ZNF521: variants seen among roughly 807,000 people sequenced by gnomAD.
The protein encoded by ZNF521 is LYST-interacting protein 3.
A neutral mutation model predicts 105.5 loss-of-function variants in ZNF521; 14 were observed. That is an observed-to-expected ratio of 0.13 (90% confidence interval 0.09 to 0.21). The LOEUF (loss-of-function observed/expected upper bound fraction) is 0.21, where lower values mean the gene tolerates loss of function less well. Among genes scored for constraint, ZNF521 ranks in the 10% least tolerant of loss-of-function variants. ZNF521 has a pLI of 1.00. For missense variants in ZNF521, 1,233 were observed against 1,629.7 expected (o/e 0.76, Z 4.19); for synonymous variants, 635 against 606.0 (o/e 1.05, Z -0.70).
intron 3 of ZNF521, among the ~76,000 whole-genome samples, chr18:25,281,886 C>T (rs1330653291): frequency 1.3e-5 from 2 of 151,898 alleles, no homozygotes; most frequent in Non-Finnish European, 2.9e-5. Flanking sequence ...GAATCACAGG[C>T]GGTACTTCAT....
Position 25,224,921 on chromosome 18 carries a change from A to G in ZNF521, c.2997T>C (p.Ser999=), listed in dbSNP as rs761744215. 2 of 1,613,568 alleles carry G rather than the reference A, an allele frequency of 1.2e-6. No homozygotes were observed. The highest frequency in any genetic ancestry group is 1.7e-5 in the Admixed American group (1 of 59,954). ...GGCAATGCTCTAAAAACTCCTCTTC[A>G]CTCTGGAGAGGCATCTTGCAAATCC... The part of the protein sequence containing the change: ...NCRICKMPLQ[S]EEEFLEHCQM... Residue 999 remains serine (S), a synonymous_variant, in exon 4 of 8, where the codon AGT becomes AGC. Coordinates refer to ENST00000361524, the MANE Select transcript of ZNF521 (RefSeq NM_015461.3).
chr18:25,219,170 T>G (rs1325290467), intron 4 of ZNF521, among the ~76,000 whole-genome samples: 2 of 152,232 alleles, frequency 1.3e-5, no homozygotes, highest in African/African-American at 4.8e-5. Context: ...ACTGTTTATG[T>G]TATCGATAAG....
At chr18:25,326,856 G>A (rs1291160761) in intron 2 of ZNF521, among the ~76,000 whole-genome samples, 1 of 152,142 alleles carries the variant, frequency 6.6e-6, no homozygotes, top group African/African-American at 2.4e-5. Context: ...ATATACTCAC[G>A]CAAACTTAAA....
Position 25,226,420 on chromosome 18 carries a change from G to C in ZNF521, c.1498C>G (p.His500Asp), listed in dbSNP as rs1338089033. The change falls in exon 4 of 8, where the codon CAT (histidine) becomes GAT (aspartate). Residue 500 changes from histidine (H) to aspartate (D), a missense_variant. Coordinates refer to ENST00000361524, the MANE Select transcript of ZNF521 (RefSeq NM_015461.3). The surrounding 1 kb of genome is among the most constrained non-coding windows in gnomAD (Gnocchi z 4.1). ...TTAGCTGCAGGGTTTGCAAATCCAT[G>C]AGAACATCGGATGTGTTCCTGAAGA... ...NTLQEHIRCS[H>D]GFANPAAKDS... The C allele has an allele frequency of 6.2e-7, 1 of 1,614,042 alleles. No homozygotes were observed. The highest frequency in any genetic ancestry group is 8.5e-7 in the Non-Finnish European group (1 of 1,180,038).
At chr18:25,301,502 TAC>T (rs1444882734) in intron 3 of ZNF521, among the ~76,000 whole-genome samples, 3 of 152,220 alleles carry the variant, frequency 2.0e-5, no homozygotes, top group African/African-American at 7.2e-5. Flanking sequence ...CAACACTCCC[TAC>T]ACAGAGTTGA....
At chr18:25,288,595 GAA>G (rs71375174) in intron 3 of ZNF521, among the ~76,000 whole-genome samples, 175 of 106,376 alleles carry the variant, frequency 1.6e-3, no homozygotes, top group African/African-American at 5.1e-3. Flanking sequence ...ACCCAGCTTT[GAA>G]AAAAAAAAAA....
chr18:25,276,317 T>C (rs962868860), intron 3 of ZNF521, among the ~76,000 whole-genome samples: 3 of 151,832 alleles, frequency 2.0e-5, no homozygotes, highest in Admixed American at 1.3e-4. Flanking sequence ...CATTTTATAA[T>C]GTATAAATAT....
chr18:25,345,938 G>C (rs946582603), intron 2 of ZNF521, among the ~76,000 whole-genome samples: 1 of 152,074 alleles, frequency 6.6e-6, no homozygotes, highest in Admixed American at 6.6e-5. Flanking sequence ...ATACATTTCT[G>C]TATGCCAATT....
intron 7 of ZNF521, among the ~76,000 whole-genome samples, chr18:25,075,179 G>T (rs1304704766): frequency 6.6e-6 from 1 of 152,116 alleles, no homozygotes; most frequent in Non-Finnish European, 1.5e-5. Context: ...GTCCTCAAAG[G>T]AACCTGCCAT....
intron 5 of ZNF521, among the ~76,000 whole-genome samples, chr18:25,178,492 T>C (rs1471754461): frequency 6.6e-6 from 1 of 152,224 alleles, no homozygotes; most frequent in East Asian, 1.9e-4. Context: ...CACATTAGTA[T>C]TATGGAAAGC....
At chr18:25,268,759 T>C (rs1408755557) in intron 3 of ZNF521, among the ~76,000 whole-genome samples, 1 of 152,114 alleles carries the variant, frequency 6.6e-6, no homozygotes, top group East Asian at 1.9e-4. Flanking sequence ...AGGCCTGCCT[T>C]ACAAGAACTC....
chr18:25,145,002 A>G (rs942699473), intron 5 of ZNF521, among the ~76,000 whole-genome samples: 1 of 152,190 alleles, frequency 6.6e-6, no homozygotes, highest in Non-Finnish European at 1.5e-5. Context: ...GTTCACCAGC[A>G]TGCAAGAGCT....
intron 3 of ZNF521, among the ~76,000 whole-genome samples, chr18:25,248,907 A>G (rs1300493545): frequency 6.6e-6 from 1 of 152,214 alleles, no homozygotes; most frequent in Admixed American, 6.5e-5. Context: ...TTTTGTAAAT[A>G]AAGTTTTACT....
chr18:25,262,146 T>C (rs1278922621), intron 3 of ZNF521, among the ~76,000 whole-genome samples: 2 of 152,194 alleles, frequency 1.3e-5, no homozygotes, highest in Non-Finnish European at 2.9e-5. Flanking sequence ...TTATGTCATC[T>C]TTCTTTACAC....
At position 25,227,987 on chromosome 18, in the gene ZNF521, T is replaced by C. The variant is rs1370810545; in HGVS notation, c.221-290A>G. Among the ~76,000 whole-genome samples the C allele has an allele frequency of 6.6e-6, 1 of 152,234 alleles. No individual in the cohort carries two copies. Among genetic ancestry groups the C allele is most frequent in the Admixed American group, 6.5e-5 (1 of 15,290 alleles). ...TTCTTCCTTAGAAGCAAGGTATATA[T>C]TACACATTGACAATTTTATTAAAAT... On this transcript the variant is annotated intron_variant, in intron 3 of 7. Coordinates refer to ENST00000361524, the MANE Select transcript of ZNF521 (RefSeq NM_015461.3). This position sits in a 1 kb window ranked among gnomAD's most constrained non-coding sequence, Gnocchi z 5.7.
intron 5 of ZNF521, 98 bp from the exon 6 acceptor site, chr18:25,092,179 T>G (rs182533725): frequency 1.5e-4 from 201 of 1,353,020 alleles, no homozygotes; most frequent in Middle Eastern, 2.0e-4. Flanking sequence ...ACTATTTCCA[T>G]CACCTAATAT....
intron 4 of ZNF521, among the ~76,000 whole-genome samples, chr18:25,206,520 T>C (rs2036083328): frequency 6.6e-6 from 1 of 152,184 alleles, no homozygotes; most frequent in African/African-American, 2.4e-5. Flanking sequence ...ATACCTCGTG[T>C]TCTGGTAGTT....
At chr18:25,141,464 G>A (rs1408261917) in intron 5 of ZNF521, among the ~76,000 whole-genome samples, 1 of 152,168 alleles carries the variant, frequency 6.6e-6, no homozygotes, top group African/African-American at 2.4e-5. Context: ...CTTCCTTAGA[G>A]CACAGAAAAT....
At chr18:25,193,150 G>A (rs1303633306) in intron 5 of ZNF521, among the ~76,000 whole-genome samples, 1 of 151,882 alleles carries the variant, frequency 6.6e-6, no homozygotes, top group Non-Finnish European at 1.5e-5. Flanking sequence ...CACTAATGAT[G>A]CAAGGAATAT....
Sources: allele counts gnomAD v4.1 joint callset (sites outside exome capture counted in the v4.1 genomes callset), GRCh38; gene constraint gnomAD v4.1.1; non-coding constraint Gnocchi (gnomAD v3.1); transcripts MANE v1.5; gene names NCBI Gene and HGNC (gene_info 2026-07-23, HGNC 2026-07-21).